The following PCDHA5 variants were observed in gnomAD, a reference collection of about 807,000 sequenced individuals.
PCDHA5 encodes the protein protocadherin alpha 5.
In PCDHA5, 43 loss-of-function variants were observed where a neutral mutation model predicts 61.6. The observed-to-expected ratio is 0.70, with a 90% CI of 0.55 to 0.90. The LOEUF is 0.90. Among genes scored for constraint, PCDHA5 ranks in the 40% least tolerant of loss-of-function variants. The pLI is 0.00. For missense variants in PCDHA5, 1,298 were observed against 1,222.7 expected (o/e 1.06, Z -0.92); for synonymous variants, 627 against 543.9 (o/e 1.15, Z -2.13).
chr5:140,843,274 G>A, intron 1 of PCDHA5: 6 of 1,596,094 alleles, frequency 3.8e-6, no homozygotes, highest in Non-Finnish European at 5.1e-6. Flanking sequence ...TGGTCCTGGT[G>A]AAGGATCATG....
chr5:140,822,655 A>T lies in PCDHA5; in HGVS notation c.880A>T (p.Ile294Phe), dbSNP rs2150118230. 2 of 1,608,946 alleles carry T rather than the reference A, an allele frequency of 1.2e-6. No homozygotes were observed. The highest frequency in any genetic ancestry group is 4.5e-5 in the East Asian group (2 of 44,878). Residue 294 changes from isoleucine to phenylalanine, a missense_variant, in exon 1 of 4, where the codon ATT (isoleucine) becomes TTT (phenylalanine). Physicochemically the swap from Ile to Phe is conservative, Grantham distance 21. Coordinates refer to ENST00000529859, the MANE Select transcript of PCDHA5 (RefSeq NM_018908.3). The part of the protein sequence containing the change: ...VLDDVKSKFI[I>F]NSNTGEIKVN... ...TGACGATGTAAAGTCCAAATTTATAATTAATTCTAATACTGGTGAAATAAA... is the reference window on the plus strand; with the variant it reads ...TGACGATGTAAAGTCCAAATTTATATTTAATTCTAATACTGGTGAAATAAA...
At position 140,870,413 on chromosome 5, in the gene PCDHA5, C is replaced by G. The variant is rs200037363; in HGVS notation, c.2352+46286C>G. ...GGGGGTTCGCCTTCTCTGTGGGCCA[C>G]GGCCAGGGTATCCGTGGAGGTGGCC... On this transcript the variant is annotated intron_variant, in intron 1 of 3. Transcript: ENST00000529859. The G allele has an allele frequency of 7.6e-5, 123 of 1,614,124 alleles. No individual in the cohort carries two copies. In the African/African-American group the frequency reaches 1.6e-3, roughly 21 times the overall value.
chr5:140,894,375 T>A (rs1246573357), intron 1 of PCDHA5, among the ~76,000 whole-genome samples: 1 of 152,054 alleles, frequency 6.6e-6, no homozygotes, highest in African/African-American at 2.4e-5. Flanking sequence ...ATGGCTCCAA[T>A]TATATTTGTA....
chr5:140,955,571 G>A (rs1371078633), intron 1 of PCDHA5, among the ~76,000 whole-genome samples: 2 of 152,158 alleles, frequency 1.3e-5, no homozygotes, highest in Non-Finnish European at 2.9e-5. Flanking sequence ...ACTGAACTGT[G>A]AGTCAATTAA....
intron 3 of PCDHA5, among the ~76,000 whole-genome samples, chr5:140,997,668 T>TTGTGTG (rs35184029): frequency 3.8e-4 from 56 of 148,342 alleles, no homozygotes; most frequent in African/African-American, 8.5e-4. Context: ...ATTATACAGC[T>TTGTGTG]TGTGTGTGTG....
At chr5:140,850,761 C>A in intron 1 of PCDHA5, 1 of 1,598,004 alleles carries the variant, frequency 6.3e-7, no homozygotes, top group East Asian at 2.2e-5. Flanking sequence ...GCAGAGGAGG[C>A]AGAGGGTGTG....
intron 1 of PCDHA5, among the ~76,000 whole-genome samples, chr5:140,931,396 G>A (rs1554208395): frequency 1.3e-5 from 2 of 152,118 alleles, no homozygotes; most frequent in Non-Finnish European, 2.9e-5. Context: ...ATAAGTAAGC[G>A]ATAGGAAGGC....
chr5:140,832,888 A>G (rs1772201614), intron 1 of PCDHA5, among the ~76,000 whole-genome samples: 2 of 152,142 alleles, frequency 1.3e-5, no homozygotes, highest in Non-Finnish European at 2.9e-5. Flanking sequence ...AAATGGAAAG[A>G]GTTTTCCCTG....
chr5:140,875,910 G>A, intron 1 of PCDHA5: 1 of 1,614,172 alleles, frequency 6.2e-7, no homozygotes, highest in South Asian at 1.1e-5. Context: ...CTGAATCTGC[G>A]CCTCTGGACT....
At chr5:140,858,594 G>A (rs1554151838) in intron 1 of PCDHA5, 5 of 1,317,532 alleles carry the variant, frequency 3.8e-6, no homozygotes, top group Admixed American at 2.6e-5. Context: ...TTTATTCCAG[G>A]AGTTTTAAAA....
Position 140,941,322 on chromosome 5 carries a change from T to C in PCDHA5, c.2353-37627T>C, listed in dbSNP as rs1340835610. Among the ~76,000 whole-genome samples the C allele has an allele frequency of 3.4e-5, 5 of 145,550 alleles. No individual in the cohort carries two copies. The East Asian group carries it at 6.0e-4, about 17-fold the overall frequency. The stretch of plus-strand genomic sequence containing the variant: ...TTTCTTTCTTTTTCTTCTTTCTCTT[T>C]TTTTTTTTTTTTCAGATGGAGTCTT... On this transcript the variant is annotated intron_variant, in intron 1 of 3. Coordinates refer to ENST00000529859, the MANE Select transcript of PCDHA5 (RefSeq NM_018908.3).
At chr5:140,829,576 G>A (rs2150170458) in intron 1 of PCDHA5, 2 of 1,612,390 alleles carry the variant, frequency 1.2e-6, no homozygotes, top group Admixed American at 3.3e-5. Context: ...ACTCGCTGGT[G>A]GAGCGGCGGG....
intron 1 of PCDHA5, chr5:140,876,970 G>T (rs1554169165): frequency 6.2e-7 from 1 of 1,612,850 alleles, no homozygotes; most frequent in East Asian, 2.2e-5. Flanking sequence ...GCGGCGGGTG[G>T]GCGAGCACGC....
At chr5:140,858,726 C>T (rs115774489) in intron 1 of PCDHA5, 5,491 of 481,664 alleles carry the variant, frequency 0.011, 341 homozygotes, top group Non-Finnish European at 0.014. Flanking sequence ...GCAGTTCTGA[C>T]GATTTACTTT....
intron 1 of PCDHA5, among the ~76,000 whole-genome samples, chr5:140,846,373 C>CTTTTTTTTTTTTTTTTT (rs374699051): frequency 1.8e-5 from 1 of 55,150 alleles, no homozygotes. Flanking sequence ...TTCTTTCTTT[C>CTTTTTTTTTTTTTTTTT]TTTTTTTTTT....
chr5:140,876,560 C>T (rs2056422143), intron 1 of PCDHA5: 2 of 1,614,068 alleles, frequency 1.2e-6, no homozygotes, highest in African/African-American at 2.7e-5. Flanking sequence ...CAAGAGGATG[C>T]TCAGGTGGGT....
At chr5:140,928,227 T>G (rs781923359) in intron 1 of PCDHA5, 2 of 1,614,198 alleles carry the variant, frequency 1.2e-6, no homozygotes, top group South Asian at 2.2e-5. Context: ...CACCAAACTT[T>G]CCTCAACCCC....
At chr5:140,834,957 C>T in intron 1 of PCDHA5, 2 of 1,532,930 alleles carry the variant, frequency 1.3e-6, no homozygotes, top group Non-Finnish European at 1.8e-6. Flanking sequence ...GGTAAAACCT[C>T]TTGGACTTGT....
rs2150325901 is a variant in PCDHA5 at position 140,841,940 on chromosome 5, G to A, written c.2352+17813G>A. Reference sequence around the variant, plus strand: ...ATCCTTGGACAGAGAGGACGCTCCTGCGCACCACTTATTCCTGACAGCCAC... The same window carrying A: ...ATCCTTGGACAGAGAGGACGCTCCTACGCACCACTTATTCCTGACAGCCAC... On this transcript the variant is annotated intron_variant, in intron 1 of 3. Transcript: ENST00000529859. 5.0e-6 allele frequency: 8 copies of A among 1,613,930 alleles called. No individual in the cohort carries two copies. In the South Asian group the frequency reaches 6.6e-5, roughly 13 times the overall value.
Sources: gnomAD v4.1 joint callset for allele counts (sites outside exome capture counted in the v4.1 genomes callset) on GRCh38, gnomAD v4.1.1 for gene constraint, MANE v1.5 for transcripts, NCBI Gene and HGNC (gene_info 2026-07-23, HGNC 2026-07-21) for gene names.